ATAD1: variants seen among roughly 807,000 people sequenced by gnomAD.
ATAD1 encodes ATPase family AAA domain containing 1.
ATAD1 carries 18 observed loss-of-function variants against 42.7 expected under a neutral mutation model. The observed-to-expected ratio is 0.42, with a 90% CI of 0.29 to 0.63. The LOEUF (loss-of-function observed/expected upper bound fraction) is 0.63, where lower values mean the gene tolerates loss of function less well. Ranked by LOEUF, ATAD1 falls within the 20% of genes least tolerant of loss-of-function variation. ATAD1 has a pLI of 0.19. For missense variants in ATAD1, 294 were observed against 440.4 expected (o/e 0.67, Z 2.98); for synonymous variants, 132 against 143.1 (o/e 0.92, Z 0.55).
intron 4 of ATAD1, among the ~76,000 whole-genome samples, chr10:87,788,294 A>G (rs1447459376): frequency 6.6e-6 from 1 of 152,256 alleles, no homozygotes; most frequent in Non-Finnish European, 1.5e-5. Flanking sequence ...AAAATTGTCA[A>G]TAACTCTAAC....
At chr10:87,833,111 A>G (rs1589578416) in intron 1 of ATAD1, 1 of 152,162 alleles carries the variant, frequency 6.6e-6, no homozygotes, top group Non-Finnish European at 1.5e-5. Flanking sequence ...TGAACATAGT[A>G]TATCTCTCCA....
chr10:87,808,333 CA>C (rs11289738), intron 2 of ATAD1, among the ~76,000 whole-genome samples: 109,023 of 138,512 alleles, frequency 0.79, 42,050 homozygotes, highest in East Asian at 0.89. Flanking sequence ...AAAGAAAAGC[CA>C]AAAAAAAAAA....
intron 7 of ATAD1, among the ~76,000 whole-genome samples, chr10:87,768,453 A>T (rs919031963): frequency 3.3e-5 from 5 of 152,362 alleles, no homozygotes; most frequent in Non-Finnish European, 5.9e-5. Context: ...CTGTAATTTA[A>T]GTGTGTCAAG....
intron 1 of ATAD1, among the ~76,000 whole-genome samples, chr10:87,816,993 C>T (rs1857446441): frequency 1.3e-5 from 2 of 152,162 alleles, no homozygotes; most frequent in Non-Finnish European, 2.9e-5. Flanking sequence ...ATAGTAACAA[C>T]TTTTAATCCC....
intron 1 of ATAD1, among the ~76,000 whole-genome samples, chr10:87,838,247 C>T (rs1360968174): frequency 6.6e-6 from 1 of 152,102 alleles, no homozygotes; most frequent in East Asian, 1.9e-4. Flanking sequence ...ACAGGGTGGG[C>T]TGGGCGCGGT....
intron 2 of ATAD1, among the ~76,000 whole-genome samples, chr10:87,802,798 T>C (rs1369113967): frequency 1.3e-5 from 2 of 152,238 alleles, no homozygotes; most frequent in Non-Finnish European, 2.9e-5. Flanking sequence ...TCAAAAACTA[T>C]AGTATACCTA....
upstream of ATAD1, among the ~76,000 whole-genome samples, chr10:87,822,658 G>A (rs529860701): frequency 1.6e-3 from 236 of 152,174 alleles, 1 homozygote; most frequent in African/African-American, 5.4e-3. Context: ...GGGGGTAGGA[G>A]GGAAGTGAGA....
At chr10:87,758,606 TTACA>T (rs1415377845) in intron 8 of ATAD1, among the ~76,000 whole-genome samples, 1 of 152,140 alleles carries the variant, frequency 6.6e-6, no homozygotes, top group Non-Finnish European at 1.5e-5. Context: ...AGTCTTTGTG[TTACA>T]TTTGAAATAA....
intron 2 of ATAD1, among the ~76,000 whole-genome samples, chr10:87,793,948 C>T (rs768298396): frequency 6.6e-6 from 1 of 151,648 alleles, no homozygotes; most frequent in Non-Finnish European, 1.5e-5. Flanking sequence ...AAAAAAAGTA[C>T]TATGGGGGCC....
chr10:87,754,893 C>A, intron 9 of ATAD1, 86 bp from the exon 10 acceptor site: 2 of 1,470,908 alleles, frequency 1.4e-6, no homozygotes, highest in Non-Finnish European at 1.8e-6. Context: ...AAAAGAGATG[C>A]ATGTGGTAAA....
intron 2 of ATAD1, among the ~76,000 whole-genome samples, chr10:87,805,816 T>C (rs1322862808): frequency 6.6e-6 from 1 of 151,952 alleles, no homozygotes; most frequent in Non-Finnish European, 1.5e-5. Flanking sequence ...CCATGTTCTT[T>C]TACCTCAAAT....
At chr10:87,781,857 C>G (rs560541401) in intron 5 of ATAD1, among the ~76,000 whole-genome samples, 1 of 152,038 alleles carries the variant, frequency 6.6e-6, no homozygotes, top group African/African-American at 2.4e-5. Flanking sequence ...GTTGTCCAGG[C>G]TGGTCTCAAA....
chr10:87,815,258 C>G (rs980315778), intron 1 of ATAD1, among the ~76,000 whole-genome samples: 3 of 151,918 alleles, frequency 2.0e-5, no homozygotes, highest in African/African-American at 7.3e-5. Flanking sequence ...TACAAGAATA[C>G]AGCACTCACC....
intron 4 of ATAD1, among the ~76,000 whole-genome samples, chr10:87,789,057 T>C (rs116763955): frequency 1.5e-3 from 223 of 152,322 alleles, no homozygotes; most frequent in African/African-American, 5.2e-3. Flanking sequence ...AAAAATTATG[T>C]AGTTCATAAA....
intron 2 of ATAD1, among the ~76,000 whole-genome samples, chr10:87,802,010 T>C (rs1335309582): frequency 6.6e-6 from 1 of 152,222 alleles, no homozygotes; most frequent in Non-Finnish European, 1.5e-5. Flanking sequence ...TGACAGCTTC[T>C]AACAATTCAG....
At chr10:87,820,666 G>A (rs1857615418), upstream of ATAD1, among the ~76,000 whole-genome samples, 1 of 152,166 alleles carries the variant, frequency 6.6e-6, no homozygotes, top group Non-Finnish European at 1.5e-5. Context: ...AGCTCGAAAA[G>A]TGCTACACCT....
In ATAD1 at chr10:87,818,201, G is replaced by T; in HGVS notation, c.-48C>A. The T allele has an allele frequency of 1.0e-6, 1 of 985,684 alleles. No homozygotes were observed. The highest frequency in any genetic ancestry group is 1.2e-6 in the Non-Finnish European group (1 of 830,104). 61.1% of individuals were successfully genotyped at this position (985,684 alleles called of 1,614,324 possible). A position where few individuals can be genotyped will look rare whatever the true frequency, so the allele number is the denominator to read the frequency against. On this transcript the variant is annotated 5_prime_UTR_variant, in exon 1 of 10. In the 5' UTR this introduces an upstream ATG that the reference lacks. Coordinates refer to ENST00000680024, the MANE Select transcript of ATAD1 (RefSeq NM_001321967.2). Reference sequence around the variant, plus strand: ...GAAACAGCAAGAGCAAGTGCCCTCAGCCGGCCTCACACAGGAAGGAAACGC... The same window carrying T: ...GAAACAGCAAGAGCAAGTGCCCTCATCCGGCCTCACACAGGAAGGAAACGC...
chr10:87,783,372 A>T (rs1175355916), intron 5 of ATAD1, among the ~76,000 whole-genome samples: 14 of 149,200 alleles, frequency 9.4e-5, no homozygotes, highest in African/African-American at 2.9e-4. Flanking sequence ...ATGCTGTCTT[A>T]AAAAAAAACA....
At position 87,792,688 on chromosome 10, in the gene ATAD1, G is replaced by A; in HGVS notation, c.230C>T (p.Ala77Val). The change falls in exon 3 of 10, where the codon GCT (alanine) becomes GTT (valine). Residue 77 changes from alanine to valine, a missense_variant. Around this residue, in one of 3 missense-constraint regions of ATAD1, gnomAD observed 121 missense variants for 187.3 expected, o/e 0.65. Transcript: ENST00000680024. ...VKLSEYEMSI[A>V]AHLVDPLNMH... ...ATTAAGAGGGTCTACAAGATGAGCA[G>A]CAATACTCATTTCATATTCTGAGAG... The A allele has an allele frequency of 1.2e-6, 2 of 1,612,434 alleles. No homozygotes were observed. Among genetic ancestry groups the A allele is most frequent in the Non-Finnish European group, 1.7e-6 (2 of 1,179,210 alleles).
Sources: allele counts gnomAD v4.1 joint callset (sites outside exome capture counted in the v4.1 genomes callset), GRCh38; gene constraint gnomAD v4.1.1; regional missense constraint gnomAD v4.1.1; transcripts MANE v1.5; gene names NCBI Gene and HGNC (gene_info 2026-07-23, HGNC 2026-07-21).